Variants in MYO15B observed in about 807,000 individuals in gnomAD.
The protein encoded by MYO15B is myosin XVB pseudogene.
MYO15B carries 207 observed loss-of-function variants against 119.3 expected under a neutral mutation model. The ratio of observed to expected loss-of-function variants is 1.73; its 90% CI spans 1.55 to 1.95. The LOEUF is 1.95. MYO15B is among the 30% of genes most tolerant of loss of function. MYO15B has a pLI of 0.00. For missense variants in MYO15B, 2,264 were observed against 1,203.1 expected (o/e 1.88, Z -13.04); for synonymous variants, 966 against 498.9 (o/e 1.94, Z -12.48).
intron 41 of MYO15B, 57 bp downstream of exon 41, chr17:75,617,361 G>C (rs576891342): frequency 1.7e-6 from 1 of 586,668 alleles, no homozygotes; most frequent in Non-Finnish European, 3.0e-6. Context: ...GGCAGGGTTC[G>C]CACAGACTCT....
intron 21 of MYO15B, among the ~76,000 whole-genome samples, chr17:75,606,237 A>G (rs1447645554): frequency 1.3e-5 from 2 of 151,528 alleles, no homozygotes; most frequent in African/African-American, 4.9e-5. Flanking sequence ...CTCATTACCT[A>G]CTGAGGCCAC....
chr17:75,599,062 T>G (rs1053965071), intron 14 of MYO15B, among the ~76,000 whole-genome samples: 1 of 152,178 alleles, frequency 6.6e-6, no homozygotes, highest in Non-Finnish European at 1.5e-5. Context: ...TTTAGTTTTA[T>G]TTTTATATTT....
chr17:75,613,588 C>T, intron 28 of MYO15B, 117 bp downstream of exon 28: 1 of 647,874 alleles, frequency 1.5e-6, no homozygotes, highest in South Asian at 1.7e-5. Context: ...CCTCAGTGAC[C>T]CTGATCCCCC....
At chr17:75,625,419 G>A in intron 60 of MYO15B, 108 bp from the exon 61 acceptor site, 1 of 666,020 alleles carries the variant, frequency 1.5e-6, no homozygotes, top group Admixed American at 2.1e-5. Context: ...TCATGTGTAT[G>A]GATGTCTAGT....
intron 14 of MYO15B, among the ~76,000 whole-genome samples, chr17:75,597,592 A>G (rs1424963843): frequency 6.6e-6 from 1 of 152,218 alleles, no homozygotes; most frequent in African/African-American, 2.4e-5. Flanking sequence ...CTCCCCTCTT[A>G]CAGCCCGCAG....
At chr17:75,610,315 C>A (rs770537092) in intron 22 of MYO15B, 56 bp downstream of exon 22, 109 of 642,980 alleles carry the variant, frequency 1.7e-4, no homozygotes, top group Non-Finnish European at 1.1e-5. Flanking sequence ...CTGAGCTGGC[C>A]GAGCTGGCCA....
intron 39 of MYO15B, 30 bp downstream of exon 39, chr17:75,616,815 T>G (rs1488564571): frequency 7.1e-6 from 5 of 702,932 alleles, no homozygotes; most frequent in Admixed American, 4.0e-5. Context: ...TGGCCAGGGC[T>G]GTCCCGCTCC....
intron 19 of MYO15B, among the ~76,000 whole-genome samples, chr17:75,603,863 T>C (rs1381687130): frequency 6.6e-6 from 1 of 152,188 alleles, no homozygotes; most frequent in African/African-American, 2.4e-5. Flanking sequence ...ATTGACTGGA[T>C]GGCATCTTGG....
exon 62 of MYO15B, chr17:75,625,875 C>T (rs1463787913): frequency 4.3e-6 from 3 of 703,040 alleles, no homozygotes; most frequent in Admixed American, 2.0e-5. Context: ...TCTTCGGCTA[C>T]ACCGTCTATG....
chr17:75,595,807 G>A (rs2056820454), intron 12 of MYO15B, among the ~76,000 whole-genome samples: 1 of 152,240 alleles, frequency 6.6e-6, no homozygotes, highest in South Asian at 2.1e-4. Context: ...TCAGTTGGCA[G>A]AGGCTCTGCA....
intron 43 of MYO15B, 137 bp from the exon 44 acceptor site, chr17:75,619,006 C>CT (rs1473299130): frequency 1.6e-6 from 1 of 639,584 alleles, no homozygotes; most frequent in African/African-American, 1.8e-5. Context: ...CCTAGGCCCT[C>CT]TGCTGAGCAC....
intron 52 of MYO15B, 80 bp downstream of exon 52, chr17:75,621,650 C>A: frequency 1.5e-6 from 1 of 661,740 alleles, no homozygotes; most frequent in Admixed American, 2.1e-5. Flanking sequence ...TCTCCTTGAG[C>A]TCTGCCTGGC....
chr17:75,605,565 G>A (rs1175287922), exon 20 of MYO15B: 5 of 702,800 alleles, frequency 7.1e-6, no homozygotes, highest in Middle Eastern at 2.3e-4. Flanking sequence ...GTGTGGTGCC[G>A]TCCTGAGCCA....
intron 12 of MYO15B, 158 bp from the exon 13 acceptor site, chr17:75,596,302 C>A: frequency 3.3e-6 from 2 of 606,044 alleles, no homozygotes; most frequent in South Asian, 3.9e-5. Context: ...TGAGGTAGCC[C>A]GTGTGCTGTG....
rs1289832231 is a variant in MYO15B, at chr17:75,606,924, C to T, written c.4292+903C>T. The T allele has an allele frequency of 3.1e-4, 123 of 398,508 alleles. 1 individual carries two copies. The East Asian group carries it at 4.3e-3, about 14-fold the overall frequency. 24.7% of individuals were successfully genotyped at this position (398,508 alleles called of 1,614,324 possible). On this transcript the variant is annotated intron_variant, in intron 21 of 63. Coordinates refer to ENST00000645453, the Ensembl canonical transcript of MYO15B. ...TTCTCACCTAATCATCTCTTTTTCG[C>T]CCTCACAGCCTGTCTTCACACATTC...
chr17:75,621,858 TGCAACCA>T, intron 52 of MYO15B, 139 bp from the exon 53 acceptor site: 1 of 623,336 alleles, frequency 1.6e-6, no homozygotes. Context: ...TGAGTCGAGC[TGCAACCA>T]GCTGCCCTGG....
exon 40 of MYO15B, chr17:75,616,955 C>T (rs2058410732): frequency 2.8e-6 from 2 of 702,802 alleles, no homozygotes; most frequent in African/African-American, 3.5e-5. Context: ...CCCACTCGTC[C>T]CCGCCGGTGA....
In MYO15B at chr17:75,592,558, T is replaced by C. The variant is rs1264469159; in HGVS notation, c.2829+17T>C. The stretch of plus-strand genomic sequence containing the variant: ...CTCAACCAGGTCGGGGGAGCCCTTG[T>C]GGTGCGGCGGGGAGGCCTGCCCAGA... On this transcript the variant is annotated intron_variant, in intron 8 of 63. Coordinates refer to ENST00000645453, the Ensembl canonical transcript of MYO15B. 4.9e-6 allele frequency: 3 copies of C among 611,712 alleles called. No homozygotes were observed. In the African/African-American group the frequency reaches 5.5e-5, roughly 11 times the overall value. The allele number at this position is 611,712 out of a possible 1,614,324, so 37.9% of individuals were successfully genotyped here.
At chr17:75,604,185 C>G (rs1482470556) in intron 19 of MYO15B, among the ~76,000 whole-genome samples, 22 of 152,124 alleles carry the variant, frequency 1.4e-4, no homozygotes, top group South Asian at 2.1e-4. Flanking sequence ...GGAAACCTAC[C>G]AGCTACAGCA....
Sources: allele counts gnomAD v4.1 joint callset (sites outside exome capture counted in the v4.1 genomes callset), GRCh38; gene constraint gnomAD v4.1.1; transcripts MANE v1.5; gene names NCBI Gene and HGNC (gene_info 2026-07-23, HGNC 2026-07-21).